The following ELMO1 variants were observed in gnomAD, a reference collection of about 807,000 sequenced individuals.
The protein encoded by ELMO1 is engulfment and cell motility protein 1.
A neutral mutation model predicts 98.9 loss-of-function variants in ELMO1; 26 were observed. The ratio of observed to expected loss-of-function variants is 0.26; its 90% confidence interval spans 0.19 to 0.36. The LOEUF (loss-of-function observed/expected upper bound fraction) is 0.36. Among genes scored for constraint, ELMO1 ranks in the 10% least tolerant of loss-of-function variants. The pLI, the probability that ELMO1 is intolerant of heterozygous loss-of-function variation, is 1.00. For synonymous variants in ELMO1, 346 were observed against 346.0 expected (o/e 1.00, Z 0.00); for missense variants, 627 against 935.2 (o/e 0.67, Z 4.30).
At chr7:36,908,153 A>G (rs1784092246) in intron 16 of ELMO1, among the ~76,000 whole-genome samples, 1 of 152,230 alleles carries the variant, frequency 6.6e-6, no homozygotes, top group African/African-American at 2.4e-5. Context: ...CACCTCTGAC[A>G]ATGATGTGCT....
At chr7:37,228,869 G>A (rs929128972) in intron 8 of ELMO1, among the ~76,000 whole-genome samples, 2 of 152,130 alleles carry the variant, frequency 1.3e-5, no homozygotes, top group Non-Finnish European at 1.5e-5. Context: ...GTGGGCTCCT[G>A]TAGTCCCAGC....
chr7:37,264,282 T>C (rs1230216294), intron 5 of ELMO1, among the ~76,000 whole-genome samples: 2 of 149,502 alleles, frequency 1.3e-5, no homozygotes, highest in African/African-American at 5.0e-5. Context: ...TGAATACACA[T>C]ATATATATGA....
chr7:36,927,545 C>T (rs1408490562), intron 16 of ELMO1, among the ~76,000 whole-genome samples: 3 of 152,176 alleles, frequency 2.0e-5, no homozygotes, highest in Non-Finnish European at 2.9e-5. Flanking sequence ...TAGGCTGATT[C>T]TCACACTAAC....
chr7:37,120,480 C>A (rs1241772593), intron 14 of ELMO1, among the ~76,000 whole-genome samples: 1 of 152,250 alleles, frequency 6.6e-6, no homozygotes, highest in Non-Finnish European at 1.5e-5. Context: ...GAAATCATAT[C>A]CCACGTCTGG....
At chr7:36,875,549 T>G (rs1033739463) in intron 19 of ELMO1, among the ~76,000 whole-genome samples, 15 of 152,200 alleles carry the variant, frequency 9.9e-5, no homozygotes, top group Non-Finnish European at 1.9e-4. Context: ...GCTAAGAGTT[T>G]TGGAGGCATG....
At chr7:37,131,968 G>A (rs569626931) in intron 14 of ELMO1, among the ~76,000 whole-genome samples, 75 of 152,242 alleles carry the variant, frequency 4.9e-4, no homozygotes, top group African/African-American at 1.4e-3. Context: ...TCACTGTGCC[G>A]ACGGTCCCAT....
At chr7:37,332,217 T>G (rs1481156600) in intron 2 of ELMO1, among the ~76,000 whole-genome samples, 1 of 152,238 alleles carries the variant, frequency 6.6e-6, no homozygotes, top group African/African-American at 2.4e-5. Context: ...ATTTATAAAA[T>G]GTAATAATGT....
intron 16 of ELMO1, among the ~76,000 whole-genome samples, chr7:36,993,430 A>G (rs1360911375): frequency 6.6e-6 from 1 of 152,208 alleles, no homozygotes; most frequent in African/African-American, 2.4e-5. Context: ...CCATCACAAA[A>G]ACAGGATTGC....
chr7:37,389,297 G>A (rs74980015), intron 1 of ELMO1, among the ~76,000 whole-genome samples: 2,077 of 152,162 alleles, frequency 0.014, 45 homozygotes, highest in African/African-American at 0.048. Flanking sequence ...GTTTCAAAGA[G>A]TCCAAAATAA....
intron 4 of ELMO1, among the ~76,000 whole-genome samples, chr7:37,304,237 C>T (rs966521139): frequency 1.5e-4 from 23 of 152,238 alleles, no homozygotes; most frequent in African/African-American, 4.6e-4. Flanking sequence ...AGCAAAGACA[C>T]CAGGGCAAAA....
At chr7:37,055,158 C>T (rs1271990516) in intron 15 of ELMO1, among the ~76,000 whole-genome samples, 4 of 152,230 alleles carry the variant, frequency 2.6e-5, no homozygotes, top group East Asian at 3.8e-4. Flanking sequence ...GTGCACATGG[C>T]TTCTGTGACC....
intron 14 of ELMO1, among the ~76,000 whole-genome samples, chr7:37,107,288 C>T (rs1785003880): frequency 6.6e-6 from 1 of 152,180 alleles, no homozygotes; most frequent in South Asian, 2.1e-4. Context: ...GGAAGTATCA[C>T]TTTGTGCAGT....
intron 1 of ELMO1, among the ~76,000 whole-genome samples, chr7:37,445,622 A>C (rs1583779819): frequency 1.3e-5 from 2 of 151,034 alleles, no homozygotes; most frequent in East Asian, 3.9e-4. Context: ...ACTTTGAAAC[A>C]CTCAAGAGTT....
intron 17 of ELMO1, among the ~76,000 whole-genome samples, chr7:36,888,412 G>A (rs1463840966): frequency 6.6e-6 from 1 of 152,058 alleles, no homozygotes; most frequent in Non-Finnish European, 1.5e-5. Flanking sequence ...TTTGAGTCTA[G>A]TAAAGCCAAA....
chr7:37,320,878 T>C (rs1799454189), intron 2 of ELMO1, among the ~76,000 whole-genome samples: 3 of 152,204 alleles, frequency 2.0e-5, no homozygotes, highest in Non-Finnish European at 4.4e-5. Flanking sequence ...ACCAGCACGT[T>C]TCCCATTTCC....
chr7:37,001,632 C>T (rs1792677479), intron 16 of ELMO1, among the ~76,000 whole-genome samples: 1 of 152,182 alleles, frequency 6.6e-6, no homozygotes, highest in Admixed American at 6.5e-5. Context: ...TGGTAACTAT[C>T]TTGCTAAGGT....
At chr7:37,317,063 AATTAT>A (rs1799213699) in intron 2 of ELMO1, among the ~76,000 whole-genome samples, 1 of 152,140 alleles carries the variant, frequency 6.6e-6, no homozygotes, top group Admixed American at 6.5e-5. Context: ...AAATTATATT[AATTAT>A]ATTAAATTAA....
intron 16 of ELMO1, among the ~76,000 whole-genome samples, chr7:36,971,977 G>A (rs977070225): frequency 6.6e-6 from 1 of 152,066 alleles, no homozygotes; most frequent in African/African-American, 2.4e-5. Flanking sequence ...GGGACCATGC[G>A]GGCTTTCTTT....
intron 15 of ELMO1, among the ~76,000 whole-genome samples, chr7:37,052,127 C>T (rs1171000240): frequency 6.6e-6 from 1 of 152,180 alleles, no homozygotes; most frequent in Non-Finnish European, 1.5e-5. Flanking sequence ...AAGCAATGCT[C>T]ACACCAGTGA....
Sources: allele counts gnomAD v4.1 joint callset (sites outside exome capture counted in the v4.1 genomes callset), GRCh38; gene constraint gnomAD v4.1.1; transcripts MANE v1.5; gene names NCBI Gene and HGNC (gene_info 2026-07-23, HGNC 2026-07-21).